The following TBX15 variants were observed in gnomAD, a reference collection of about 807,000 sequenced individuals.
The protein encoded by TBX15 is T-box transcription factor 15.
A neutral mutation model predicts 53.9 loss-of-function variants in TBX15; 18 were observed. That is an observed-to-expected ratio of 0.33 (90% confidence interval 0.23 to 0.49). The LOEUF is 0.49. TBX15 is among the 20% of genes least tolerant of loss of function. TBX15 has a pLI of 0.98. For missense variants in TBX15, 692 were observed against 749.5 expected, an observed-to-expected ratio of 0.92 and a Z score of 0.90; for synonymous variants, 295 against 278.0, an observed-to-expected ratio of 1.06 and a Z score of -0.61.
At chr1:118,893,301 G>A (rs1012085908) in intron 7 of TBX15, among the ~76,000 whole-genome samples, 64 of 118,074 alleles carry the variant, frequency 5.4e-4, no homozygotes, top group African/African-American at 2.0e-3. Context: ...AAGGAAGGAA[G>A]GAAGGAAGGA....
chr1:118,942,014 A>G (rs1656192159), intron 1 of TBX15, among the ~76,000 whole-genome samples: 1 of 152,230 alleles, frequency 6.6e-6, no homozygotes, highest in South Asian at 2.1e-4. Context: ...CTTCATCAAC[A>G]AAAAAGGTCC....
At chr1:118,915,328 T>C (rs1655183118) in intron 5 of TBX15, among the ~76,000 whole-genome samples, 2 of 152,224 alleles carry the variant, frequency 1.3e-5, no homozygotes, top group African/African-American at 2.4e-5. Flanking sequence ...ATTGCAAATC[T>C]TTCCTAGTTC....
chr1:118,898,907 C>T, intron 7 of TBX15, 121 bp downstream of exon 7: 2 of 1,009,284 alleles, frequency 2.0e-6, no homozygotes, highest in South Asian at 2.8e-5. Context: ...GAGTTCTCTT[C>T]ATTCCAGGAG....
At chr1:118,934,353 C>T (rs566730088) in intron 1 of TBX15, among the ~76,000 whole-genome samples, 1 of 152,202 alleles carries the variant, frequency 6.6e-6, no homozygotes, top group Admixed American at 6.5e-5. Context: ...AGACCGGGGG[C>T]TCAGATTCAC....
chr1:118,927,816 A>G (rs1279686181), intron 2 of TBX15, among the ~76,000 whole-genome samples: 3 of 152,256 alleles, frequency 2.0e-5, no homozygotes, highest in Admixed American at 1.3e-4. Flanking sequence ...GAAGAAAAAC[A>G]TCAAGCTCAA....
At chr1:118,975,018 C>A (rs2101709051) in intron 1 of TBX15, among the ~76,000 whole-genome samples, 1 of 152,306 alleles carries the variant, frequency 6.6e-6, no homozygotes, top group East Asian at 1.9e-4. Flanking sequence ...CATTTTGAAT[C>A]AATTACCAAT....
At chr1:118,886,873 A>G (rs1392131666) in intron 7 of TBX15, among the ~76,000 whole-genome samples, 1 of 152,176 alleles carries the variant, frequency 6.6e-6, no homozygotes, top group East Asian at 1.9e-4. Context: ...AAGTCCCTAA[A>G]TCTGTATTTG....
chr1:118,967,003 G>T (rs1454817728), intron 1 of TBX15, among the ~76,000 whole-genome samples: 1 of 152,150 alleles, frequency 6.6e-6, no homozygotes, highest in Non-Finnish European at 1.5e-5. Context: ...TTCATTAATT[G>T]CCACACATGT....
chr1:118,943,779 T>C (rs1168335725), intron 1 of TBX15, among the ~76,000 whole-genome samples: 1 of 151,942 alleles, frequency 6.6e-6, no homozygotes, highest in Non-Finnish European at 1.5e-5. Flanking sequence ...GAAAACACAC[T>C]GAGGAGGCAG....
intron 1 of TBX15, among the ~76,000 whole-genome samples, chr1:118,940,695 T>G (rs1410780123): frequency 6.7e-6 from 1 of 148,600 alleles, no homozygotes; most frequent in Admixed American, 6.7e-5. Context: ...ACATATAAGA[T>G]TCTACGCCAA....
chr1:118,886,389 G>A (rs1387168909), intron 7 of TBX15, among the ~76,000 whole-genome samples: 3 of 152,058 alleles, frequency 2.0e-5, no homozygotes. Flanking sequence ...TAACTGCCCA[G>A]GTAACCTTAG....
chr1:118,906,911 T>A (rs1654853195), intron 6 of TBX15, among the ~76,000 whole-genome samples: 1 of 152,220 alleles, frequency 6.6e-6, no homozygotes. Flanking sequence ...CTATTGTTTC[T>A]TCAGTGAGGG....
Position 118,925,867 on chromosome 1 carries a change from A to G in TBX15, c.521+643T>C, listed in dbSNP as rs1244933293. On this transcript the variant is annotated intron_variant, in intron 3 of 7. Coordinates refer to ENST00000369429, the MANE Select transcript of TBX15 (RefSeq NM_001330677.2). ...ATATTTCAAAAATGAGTAATGATTT[A>G]CTGATTTGAGTGAGACCTCAAGAGA... Among the ~76,000 whole-genome samples, 12 of 151,846 alleles carry G rather than the reference A, an allele frequency of 7.9e-5. No homozygotes were observed. In the East Asian group the frequency reaches 1.9e-3, roughly 25 times the overall value.
intron 7 of TBX15, among the ~76,000 whole-genome samples, chr1:118,897,674 C>A (rs116737071): frequency 0.011 from 1,644 of 152,232 alleles, 29 homozygotes; most frequent in African/African-American, 0.038. Flanking sequence ...GAATTCATGA[C>A]CATCAAAGAC....
intron 1 of TBX15, among the ~76,000 whole-genome samples, chr1:118,975,404 A>G (rs1483013819): frequency 1.3e-5 from 2 of 152,208 alleles, no homozygotes; most frequent in African/African-American, 2.4e-5. Context: ...TCACAATTTA[A>G]CAATTTCTGT....
chr1:118,906,556 CT>C (rs1654836459), intron 6 of TBX15, among the ~76,000 whole-genome samples: 1 of 152,118 alleles, frequency 6.6e-6, no homozygotes. Context: ...AGAGGTGGTT[CT>C]TTATAAACAT....
At chr1:118,928,772 A>T (rs1655685011) in intron 2 of TBX15, among the ~76,000 whole-genome samples, 1 of 152,208 alleles carries the variant, frequency 6.6e-6, no homozygotes, top group Non-Finnish European at 1.5e-5. Flanking sequence ...GTCTGGAACC[A>T]TTATATGACC....
chr1:118,917,868 C>T (rs191207912), intron 5 of TBX15, among the ~76,000 whole-genome samples: 32 of 152,300 alleles, frequency 2.1e-4, no homozygotes, highest in Admixed American at 1.7e-3. Context: ...TTTGCAGAGC[C>T]AGCAGGCCCT....
rs539875450 is a variant in TBX15 at position 118,914,053 on chromosome 1, G to T, written c.926+62C>A. On this transcript the variant is annotated intron_variant, in intron 6 of 7. Coordinates refer to ENST00000369429, the MANE Select transcript of TBX15 (RefSeq NM_001330677.2). ...AAAAGGCAGGAGCCATCAACCATCAGCAGGATGTGAGGGAAGTAATGTCAC... is the reference window on the plus strand; with the variant it reads ...AAAAGGCAGGAGCCATCAACCATCATCAGGATGTGAGGGAAGTAATGTCAC... 6.3e-5 allele frequency: 98 copies of T among 1,552,388 alleles called. 1 individual carries two copies. In the South Asian group the frequency reaches 1.1e-3, roughly 17 times the overall value.
Sources: allele counts gnomAD v4.1 joint callset (sites outside exome capture counted in the v4.1 genomes callset), GRCh38; gene constraint gnomAD v4.1.1; transcripts MANE v1.5; gene names NCBI Gene and HGNC (gene_info 2026-07-23, HGNC 2026-07-21).